ATP8A2: variants seen among roughly 807,000 people sequenced by gnomAD.
ATP8A2 encodes the protein phospholipid-transporting ATPase IB.
ATP8A2 carries 100 observed loss-of-function variants against 165.6 expected under a neutral mutation model. The ratio of observed to expected loss-of-function variants is 0.60; its 90% CI spans 0.51 to 0.71. The LOEUF (loss-of-function observed/expected upper bound fraction) is 0.71, where lower values mean the gene tolerates loss of function less well. ATP8A2 is among the 30% of genes least tolerant of loss of function. ATP8A2 has a pLI of 0.00. For synonymous variants in ATP8A2, 543 were observed against 548.8 expected (o/e 0.99, Z 0.15); for missense variants, 1,227 against 1,479.5 (o/e 0.83, Z 2.80).
intron 24 of ATP8A2, among the ~76,000 whole-genome samples, chr13:25,591,764 G>A (rs1489874615): frequency 5.3e-5 from 8 of 151,956 alleles, no homozygotes; most frequent in Admixed American, 2.0e-4. Context: ...TGTATTTTTA[G>A]TAGAGATGGA....
intron 33 of ATP8A2, among the ~76,000 whole-genome samples, chr13:25,959,810 A>G: frequency 6.6e-6 from 1 of 152,226 alleles, no homozygotes; most frequent in East Asian, 1.9e-4. Context: ...TCTTTGATAG[A>G]CTAGCACTCT....
At chr13:25,944,975 T>C (rs1485963222) in intron 33 of ATP8A2, among the ~76,000 whole-genome samples, 2 of 152,010 alleles carry the variant, frequency 1.3e-5, no homozygotes, top group Non-Finnish European at 2.9e-5. Context: ...TGAAATAATG[T>C]ATATAGGCAT....
chr13:25,617,567 G>A (rs1472717141), intron 24 of ATP8A2, among the ~76,000 whole-genome samples: 1 of 152,148 alleles, frequency 6.6e-6, no homozygotes, highest in Non-Finnish European at 1.5e-5. Context: ...ACTCTTTTAA[G>A]TTCGGTACAG....
chr13:25,639,275 G>A lies in ATP8A2; in HGVS notation c.2211+49576G>A, dbSNP rs543442880. Among the ~76,000 whole-genome samples the A allele has an allele frequency of 3.3e-3, 498 of 152,246 alleles. 3 individuals carry two copies. Among genetic ancestry groups the A allele is most frequent in the African/African-American group, 0.011 (472 of 41,550 alleles). On this transcript the variant is annotated intron_variant, in intron 24 of 36. Coordinates refer to ENST00000381655, the MANE Select transcript of ATP8A2 (RefSeq NM_016529.6). The stretch of plus-strand genomic sequence containing the variant: ...CAATATTAACCTTAAATGTAAATGG[G>A]CTGAATGCTCCAATTAAAAGGCACA...
chr13:25,635,387 A>G (rs2041344551), intron 24 of ATP8A2, among the ~76,000 whole-genome samples: 2 of 152,196 alleles, frequency 1.3e-5, no homozygotes, highest in Admixed American at 6.5e-5. Context: ...TTTGTACTGC[A>G]GGCTGTGTAA....
At chr13:25,673,840 C>T (rs1403851318) in intron 24 of ATP8A2, among the ~76,000 whole-genome samples, 1 of 152,062 alleles carries the variant, frequency 6.6e-6, no homozygotes, top group Non-Finnish European at 1.5e-5. Flanking sequence ...AGACTTGGCT[C>T]TGCACAGGGA....
At chr13:25,850,915 C>G (rs963259964) in intron 30 of ATP8A2, among the ~76,000 whole-genome samples, 8 of 152,132 alleles carry the variant, frequency 5.3e-5, no homozygotes, top group Non-Finnish European at 7.3e-5. Flanking sequence ...CAGGTGTTTG[C>G]CTCTAAAACT....
At chr13:25,933,882 T>A (rs1954823754) in intron 33 of ATP8A2, among the ~76,000 whole-genome samples, 1 of 152,196 alleles carries the variant, frequency 6.6e-6, no homozygotes, top group Admixed American at 6.5e-5. Flanking sequence ...AGAGTCCAAT[T>A]CACAGAGGAA....
At chr13:25,489,415 A>G (rs2036452164) in intron 2 of ATP8A2, among the ~76,000 whole-genome samples, 1 of 152,126 alleles carries the variant, frequency 6.6e-6, no homozygotes, top group African/African-American at 2.4e-5. Flanking sequence ...CTCGTCCTGC[A>G]TCTCCACCGT....
chr13:25,883,016 A>G (rs1293932464), intron 33 of ATP8A2, among the ~76,000 whole-genome samples: 1 of 152,076 alleles, frequency 6.6e-6, no homozygotes, highest in Non-Finnish European at 1.5e-5. Flanking sequence ...CAAGCTATAT[A>G]TATTTAATTC....
At chr13:25,900,070 T>A (rs1038506354) in intron 33 of ATP8A2, among the ~76,000 whole-genome samples, 1 of 152,098 alleles carries the variant, frequency 6.6e-6, no homozygotes, top group African/African-American at 2.4e-5. Context: ...AAGAGCTTTA[T>A]TTCTCATAAA....
In ATP8A2 at chr13:25,481,926, C is replaced by T. The variant is rs145369136; in HGVS notation, c.221+12805C>T. Among the ~76,000 whole-genome samples, 376 of 152,178 alleles carry T rather than the reference C, an allele frequency of 2.5e-3. 4 individuals carry two copies. Among genetic ancestry groups the T allele is most frequent in the African/African-American group, 8.7e-3 (363 of 41,504 alleles). ...TAATCCTAATTATCTCCAAAAGGGC[C>T]CAACAGTAGCATCCCATCACATTGG... is the stretch of plus-strand genomic sequence containing the variant. On this transcript the variant is annotated intron_variant, in intron 2 of 36. Transcript: ENST00000381655.
At chr13:25,987,816 A>G (rs1956302768) in intron 35 of ATP8A2, among the ~76,000 whole-genome samples, 1 of 152,184 alleles carries the variant, frequency 6.6e-6, no homozygotes, top group African/African-American at 2.4e-5. Context: ...AACAATAAAA[A>G]AGGCACCATG....
intron 1 of ATP8A2, among the ~76,000 whole-genome samples, chr13:25,378,500 AG>A (rs2032720146): frequency 6.6e-6 from 1 of 152,104 alleles, no homozygotes; most frequent in African/African-American, 2.4e-5. Context: ...GGTTTGTTTC[AG>A]GTTGCCTGAA....
chr13:25,976,536 G>A (rs765969503), intron 35 of ATP8A2, among the ~76,000 whole-genome samples: 2 of 152,116 alleles, frequency 1.3e-5, no homozygotes, highest in African/African-American at 2.4e-5. Context: ...GAGACCAGGA[G>A]GGGTGCTTAC....
chr13:25,512,333 C>T (rs1311068582), intron 2 of ATP8A2, among the ~76,000 whole-genome samples: 3 of 152,070 alleles, frequency 2.0e-5, no homozygotes, highest in African/African-American at 7.2e-5. Flanking sequence ...CCCCACCTTT[C>T]CCCCCTTTCT....
intron 1 of ATP8A2, among the ~76,000 whole-genome samples, chr13:25,450,988 T>G (rs1566142412): frequency 6.6e-6 from 1 of 152,118 alleles, no homozygotes; most frequent in Non-Finnish European, 1.5e-5. Flanking sequence ...GGGTTTATGG[T>G]TTTCAGCAAA....
chr13:25,782,946 G>A (rs1024207093), intron 27 of ATP8A2, among the ~76,000 whole-genome samples: 1 of 151,910 alleles, frequency 6.6e-6, no homozygotes, highest in Non-Finnish European at 1.5e-5. Context: ...TCACCATGTT[G>A]GCCAGGCTGA....
intron 24 of ATP8A2, among the ~76,000 whole-genome samples, chr13:25,663,220 G>A (rs1014571911): frequency 2.0e-5 from 3 of 152,230 alleles, no homozygotes; most frequent in African/African-American, 7.2e-5. Context: ...ACCTGAATGC[G>A]TAGGTTTAAT....
Sources: allele counts gnomAD v4.1 joint callset (sites outside exome capture counted in the v4.1 genomes callset), GRCh38; gene constraint gnomAD v4.1.1; transcripts MANE v1.5; gene names NCBI Gene and HGNC (gene_info 2026-07-23, HGNC 2026-07-21).